LEPROTL1: variants seen among roughly 807,000 people sequenced by gnomAD.
LEPROTL1 encodes the protein leptin receptor overlapping transcript-like 1.
LEPROTL1 carries 6 observed loss-of-function variants against 15.4 expected under a neutral mutation model. The observed-to-expected ratio is 0.39, with a 90% CI of 0.21 to 0.77. The LOEUF is 0.77. LEPROTL1 is among the 30% of genes least tolerant of loss of function. LEPROTL1 has a pLI of 0.41. For synonymous variants in LEPROTL1, 56 were observed against 52.6 expected (o/e 1.06, Z -0.28); for missense variants, 128 against 158.1 (o/e 0.81, Z 1.02).
intron 3 of LEPROTL1, chr8:30,132,258 A>G: frequency 6.4e-7 from 1 of 1,551,798 alleles, no homozygotes; most frequent in Non-Finnish European, 8.7e-7. Context: ...CAGAGAAGGC[A>G]AATGTCTGCA....
chr8:30,130,426 G>A (rs933776079), intron 3 of LEPROTL1, among the ~76,000 whole-genome samples: 3 of 152,188 alleles, frequency 2.0e-5, no homozygotes, highest in Non-Finnish European at 2.9e-5. Context: ...AACAGTACAG[G>A]TGACCTGCAG....
At position 30,107,814 on chromosome 8, in the gene LEPROTL1, A is replaced by G; in HGVS notation, c.*1952A>G. 1 of 985,396 alleles carries G rather than the reference A, an allele frequency of 1.0e-6. No individual in the cohort carries two copies. Among genetic ancestry groups the G allele is most frequent in the Non-Finnish European group, 1.2e-6 (1 of 829,930 alleles). The allele number at this position is 985,396 out of a possible 1,614,324, so 61.0% of individuals were successfully genotyped here. On this transcript the variant is annotated 3_prime_UTR_variant, in exon 4 of 4. Coordinates refer to ENST00000321250, the MANE Select transcript of LEPROTL1 (RefSeq NM_015344.3). ...TATTTTCTGTTCTGGATGTCAGTGC[A>G]GTGCACTGCTACTGTTTTATCCACT... is the stretch of plus-strand genomic sequence containing the variant.
chr8:30,114,379 C>T lies in LEPROTL1; in HGVS notation c.279+9893C>T, dbSNP rs543561563. 6.6e-5 allele frequency among the ~76,000 whole-genome samples: 10 copies of T among 152,254 alleles called. No individual in the cohort carries two copies. The East Asian group carries it at 1.9e-3, about 29-fold the overall frequency. On this transcript the variant is annotated intron_variant, in intron 3 of 4. Transcript: ENST00000442880. Reference sequence around the variant, plus strand: ...GATCCTGGCTCACTGCAGCCTCCACCTCCCTGGCTTAAGCAATTCACCTGC... The same window carrying T: ...GATCCTGGCTCACTGCAGCCTCCACTTCCCTGGCTTAAGCAATTCACCTGC...
At chr8:30,124,121 C>T (rs1802874295) in intron 3 of LEPROTL1, among the ~76,000 whole-genome samples, 1 of 152,014 alleles carries the variant, frequency 6.6e-6, no homozygotes, top group Non-Finnish European at 1.5e-5. Context: ...AGGTGACATA[C>T]CATCACTTCT....
chr8:30,106,871 C>T lies in LEPROTL1; in HGVS notation c.*1009C>T. The stretch of plus-strand genomic sequence containing the variant: ...ATGTTGTATATATTACATAAAATAA[C>T]TTTTCAAATATAGTTTAATAACACT... On this transcript the variant is annotated 3_prime_UTR_variant, in exon 4 of 4. Transcript: ENST00000321250. The T allele has an allele frequency of 1.0e-6, 1 of 983,166 alleles. No individual in the cohort carries two copies. Among genetic ancestry groups the T allele is most frequent in the Non-Finnish European group, 1.2e-6 (1 of 827,510 alleles). The allele number at this position is 983,166 out of a possible 1,614,324, so 60.9% of individuals were successfully genotyped here.
downstream of LEPROTL1, among the ~76,000 whole-genome samples, chr8:30,110,609 C>T (rs1273930471): frequency 6.6e-6 from 1 of 151,950 alleles, no homozygotes; most frequent in Non-Finnish European, 1.5e-5. Flanking sequence ...GTGGTGGCGC[C>T]TGTAGTCCCA....
At chr8:30,123,695 T>C (rs1240848479) in intron 3 of LEPROTL1, among the ~76,000 whole-genome samples, 1 of 152,226 alleles carries the variant, frequency 6.6e-6, no homozygotes, top group Admixed American at 6.5e-5. Context: ...TTATTCCTGC[T>C]TAGGAAGCTC....
rs2117467562 is a variant in LEPROTL1, at chr8:30,095,440, C to T, written c.-73C>T. The T allele has an allele frequency of 1.6e-5, 23 of 1,428,362 alleles. No individual in the cohort carries two copies. Among genetic ancestry groups the T allele is most frequent in the East Asian group, 3.1e-5 (1 of 32,430 alleles). 88.5% of individuals were successfully genotyped at this position (1,428,362 alleles called of 1,614,324 possible). ...CGGGTGTTGTCTGGCCGCCGTAGCG[C>T]GTCTTGGGTCTCCCGGCTGCCGCTG... On this transcript the variant is annotated 5_prime_UTR_variant, in exon 1 of 4. Transcript: ENST00000321250.
At chr8:30,102,206 G>A (rs184719739) in intron 2 of LEPROTL1, among the ~76,000 whole-genome samples, 10 of 152,214 alleles carry the variant, frequency 6.6e-5, no homozygotes, top group Admixed American at 5.9e-4. Context: ...TGAGTCTGCA[G>A]TGGCAAGATA....
chr8:30,118,198 T>C (rs1802774029), intron 3 of LEPROTL1, among the ~76,000 whole-genome samples: 1 of 152,006 alleles, frequency 6.6e-6, no homozygotes. Flanking sequence ...CTAATTTTTG[T>C]ATTTTTAGTA....
chr8:30,133,488 T>C (rs549247906), intron 4 of LEPROTL1, among the ~76,000 whole-genome samples: 23 of 152,188 alleles, frequency 1.5e-4, no homozygotes, highest in Non-Finnish European at 2.4e-4. Context: ...CTTGAGAAGC[T>C]TCCCAGGGAT....
chr8:30,105,547 A>G (rs1802549588), intron 3 of LEPROTL1, among the ~76,000 whole-genome samples, 199 bp from the exon 4 acceptor site: 2 of 147,984 alleles, frequency 1.4e-5, no homozygotes, highest in South Asian at 2.1e-4. Context: ...ATATTTATAT[A>G]TATTTATACT....
chr8:30,131,537 T>C (rs959157029), intron 3 of LEPROTL1, among the ~76,000 whole-genome samples: 9 of 152,076 alleles, frequency 5.9e-5, no homozygotes, highest in Non-Finnish European at 1.3e-4. Flanking sequence ...AATATGATAA[T>C]GAGTTAGGTT....
chr8:30,134,808 A>G (rs888577999), intron 4 of LEPROTL1, among the ~76,000 whole-genome samples: 1 of 152,134 alleles, frequency 6.6e-6, no homozygotes, highest in African/African-American at 2.4e-5. Context: ...TCGGCCTCCC[A>G]AAGTGCTAGG....
chr8:30,128,403 T>C (rs183752160), intron 3 of LEPROTL1, among the ~76,000 whole-genome samples: 1 of 152,170 alleles, frequency 6.6e-6, no homozygotes, highest in African/African-American at 2.4e-5. Context: ...AGTTCTTTTT[T>C]AAATTTAACA....
chr8:30,098,077 T>C (rs1253972829), intron 1 of LEPROTL1, among the ~76,000 whole-genome samples: 2 of 152,160 alleles, frequency 1.3e-5, no homozygotes, highest in Non-Finnish European at 2.9e-5. Context: ...AACATGCTTT[T>C]TGAGATTTTT....
rs1803168801 is a variant in LEPROTL1 at position 30,137,283 on chromosome 8, AC to A, written c.409del (p.Leu137PhefsTer72). ...TTTCTGTTTTCTAGATGGGGCGCCT[AC>A]CCTTCTTCAGCAAGATGGGAACAGC... On this transcript the variant is annotated frameshift_variant, in exon 5 of 5. Coordinates refer to the LEPROTL1 transcript ENST00000442880. LOFTEE classifies it low-confidence loss of function (END_TRUNC). 1 of 1,551,432 alleles carries A rather than the reference AC, an allele frequency of 6.4e-7. No homozygotes were observed. Among genetic ancestry groups the A allele is most frequent in the Non-Finnish European group, 8.7e-7 (1 of 1,146,804 alleles).
intron 1 of LEPROTL1, among the ~76,000 whole-genome samples, chr8:30,100,142 A>T (rs1168085307): frequency 1.3e-5 from 2 of 152,210 alleles, no homozygotes; most frequent in Non-Finnish European, 2.9e-5. Flanking sequence ...CATGACCTGC[A>T]TCAGCGATCT....
intron 3 of LEPROTL1, among the ~76,000 whole-genome samples, chr8:30,115,633 A>G (rs1232810392): frequency 6.7e-6 from 1 of 148,262 alleles, no homozygotes; most frequent in Non-Finnish European, 1.5e-5. Flanking sequence ...ACAAATAGAT[A>G]AGGAAAAGAC....
Sources: gnomAD v4.1 joint callset for allele counts (sites outside exome capture counted in the v4.1 genomes callset) on GRCh38, gnomAD v4.1.1 for gene constraint, MANE v1.5 for transcripts, NCBI Gene and HGNC (gene_info 2026-07-23, HGNC 2026-07-21) for gene names.